Variants in CPS1 observed in about 807,000 individuals in gnomAD.
CPS1 encodes the protein carbamoyl-phosphate synthase 1, also known as carbamoyl-phosphate synthase [ammonia], mitochondrial.
Under a neutral mutation model 174.6 loss-of-function variants are expected in CPS1, and 109 were observed. The ratio of observed to expected loss-of-function variants is 0.62; its 90% CI spans 0.53 to 0.73. The LOEUF is 0.73. CPS1 is among the 30% of genes least tolerant of loss of function. The pLI is 0.00. For missense variants in CPS1, 1,689 were observed against 1,821.9 expected (o/e 0.93, Z 1.33); for synonymous variants, 637 against 632.0 (o/e 1.01, Z -0.12).
chr2:210,497,465 G>A (rs972676847), intron 1 of CPS1, among the ~76,000 whole-genome samples: 2 of 151,958 alleles, frequency 1.3e-5, no homozygotes, highest in Non-Finnish European at 2.9e-5. Flanking sequence ...GTGTGATGCC[G>A]AGGTTTGGGA....
intron 1 of CPS1, among the ~76,000 whole-genome samples, chr2:210,501,976 G>A (rs1035479814): frequency 2.0e-5 from 3 of 152,144 alleles, no homozygotes; most frequent in African/African-American, 7.2e-5. Flanking sequence ...GTTCCACATG[G>A]CTGGAGAGCC....
chr2:210,494,735 G>C (rs889520598), intron 1 of CPS1, among the ~76,000 whole-genome samples: 1 of 152,154 alleles, frequency 6.6e-6, no homozygotes, highest in Non-Finnish European at 1.5e-5. Context: ...CCTTTTTGTA[G>C]TGAGCTCTGT....
chr2:210,677,860 T>C (rs769327615), intron 37 of CPS1, 27 bp from the exon 38 acceptor site: 71 of 1,525,222 alleles, frequency 4.7e-5, no homozygotes, highest in Admixed American at 1.0e-4. Flanking sequence ...TCATGGAGGG[T>C]GCTGATTCCT....
intron 1 of CPS1, among the ~76,000 whole-genome samples, chr2:210,521,692 T>G (rs1184119894): frequency 6.6e-6 from 1 of 151,988 alleles, no homozygotes; most frequent in African/African-American, 2.4e-5. Flanking sequence ...TAAAAATATC[T>G]CTCATGACTC....
At chr2:210,528,997 G>A (rs1696047563) in intron 1 of CPS1, among the ~76,000 whole-genome samples, 1 of 151,662 alleles carries the variant, frequency 6.6e-6, no homozygotes, top group Admixed American at 6.6e-5. Flanking sequence ...TTAGGGGGAG[G>A]AGATTATTAT....
intron 7 of CPS1, among the ~76,000 whole-genome samples, chr2:210,589,566 G>T (rs561698682): frequency 6.6e-6 from 1 of 152,200 alleles, no homozygotes; most frequent in African/African-American, 2.4e-5. Flanking sequence ...TGTCAGTCCA[G>T]TCATGGCATT....
At chr2:210,522,835 T>G (rs1215756174) in intron 1 of CPS1, among the ~76,000 whole-genome samples, 1 of 152,020 alleles carries the variant, frequency 6.6e-6, no homozygotes, top group Non-Finnish European at 1.5e-5. Flanking sequence ...CTTGGGTTCT[T>G]ATGAGCAGGT....
Position 210,650,346 on chromosome 2 carries a change from TC to T in CPS1, c.3405-13del. 2 of 1,610,066 alleles carry T rather than the reference TC, an allele frequency of 1.2e-6. No individual in the cohort carries two copies. Among genetic ancestry groups the T allele is most frequent in the Non-Finnish European group, 1.7e-6 (2 of 1,176,490 alleles). On this transcript the variant is annotated splice_polypyrimidine_tract_variant and intron_variant, in intron 27 of 37. Transcript: ENST00000233072. ...TAGCATAAACCTGACCTGCTTTTTT[TC>T]CCCTTCCTTTTCCAGTGGGTCTGCT...
At chr2:210,630,100 A>AC (rs1364197486) in intron 21 of CPS1, among the ~76,000 whole-genome samples, 10 of 151,444 alleles carry the variant, frequency 6.6e-5, no homozygotes, top group Admixed American at 5.3e-4. Flanking sequence ...AACAAAAAAA[A>AC]AAAACAAAAC....
chr2:210,663,872 T>C (rs1574658512), intron 33 of CPS1, among the ~76,000 whole-genome samples: 2 of 152,266 alleles, frequency 1.3e-5, no homozygotes, highest in Admixed American at 6.5e-5. Context: ...ACTTACTAGA[T>C]ACAAACTTCA....
chr2:210,581,372 G>A (rs1037248065), intron 5 of CPS1, among the ~76,000 whole-genome samples: 2 of 152,094 alleles, frequency 1.3e-5, no homozygotes, highest in Non-Finnish European at 2.9e-5. Flanking sequence ...TTCAAAATTG[G>A]CGGAATAGAT....
intron 21 of CPS1, among the ~76,000 whole-genome samples, chr2:210,629,007 A>G (rs540974557): frequency 1.3e-5 from 2 of 152,286 alleles, no homozygotes; most frequent in South Asian, 4.1e-4. Context: ...TTTATTTGCA[A>G]TAACAAATTG....
chr2:210,647,864 C>A lies in CPS1; in HGVS notation c.3143C>A (p.Ala1048Glu), dbSNP rs1700427960. 1 of 1,613,790 alleles carries A rather than the reference C, an allele frequency of 6.2e-7. No individual in the cohort carries two copies. Among genetic ancestry groups the A allele is most frequent in the African/African-American group, 1.3e-5 (1 of 74,896 alleles). ...ERILDIYHQE[A>E]CGGCIISVGG... is the part of the protein sequence containing the mutation. ...TGATATTGTGAGTGTATTTTCCAGG[C>A]ATGTGGTGGCTGCATCATATCAGTT... Residue 1048 changes from alanine to glutamate, a missense_variant and splice_region_variant, in exon 26 of 38, where the codon GCA becomes GAA. Coordinates refer to ENST00000233072, the MANE Select transcript of CPS1 (RefSeq NM_001875.5).
At chr2:210,621,117 A>G (rs548400713) in intron 21 of CPS1, among the ~76,000 whole-genome samples, 4 of 152,202 alleles carry the variant, frequency 2.6e-5, no homozygotes, top group Admixed American at 6.5e-5. Context: ...TAAACTGCTT[A>G]TTGCTACCCA....
chr2:210,480,663 C>T (rs1165508618), intron 1 of CPS1, among the ~76,000 whole-genome samples: 6 of 152,156 alleles, frequency 3.9e-5, no homozygotes, highest in African/African-American at 4.8e-5. Flanking sequence ...CACACATATA[C>T]GCACACAGAC....
Position 210,481,163 on chromosome 2 carries a change from G to A in CPS1, c.3+3397G>A, listed in dbSNP as rs184826947. ...CTTGGGAGATTAAAAAAGATTGTGAGTCCAGAAAGTTGGTAAAAGATGTAC... is the reference window on the plus strand; with the variant it reads ...CTTGGGAGATTAAAAAAGATTGTGAATCCAGAAAGTTGGTAAAAGATGTAC... On this transcript the variant is annotated intron_variant, in intron 1 of 38. Coordinates refer to the CPS1 transcript ENST00000430249. Among the ~76,000 whole-genome samples, 134 of 152,248 alleles carry A rather than the reference G, an allele frequency of 8.8e-4. 1 individual carries two copies. The highest frequency in any genetic ancestry group is 2.8e-3 in the African/African-American group (115 of 41,536).
intron 1 of CPS1, chr2:210,519,653 G>A (rs963232913): frequency 1.8e-5 from 11 of 596,772 alleles, no homozygotes; most frequent in Non-Finnish European, 2.3e-5. Context: ...TCCCAGCCTC[G>A]CTTGCATCTA....
chr2:210,599,425 C>A lies in CPS1; in HGVS notation c.1413C>A (p.Thr471=). Reference sequence around the variant, plus strand: ...ACCCAAACATTGCATCAGTCCAGACCAATGAGGTGGGCTTAAAGCAAGCGG... The same window carrying A: ...ACCCAAACATTGCATCAGTCCAGACAAATGAGGTGGGCTTAAAGCAAGCGG... ...LMNPNIASVQ[T]NEVGLKQADT... is the part of the protein sequence containing the mutation. The change falls in exon 14 of 38, where the codon ACC becomes ACA. Residue 471 remains threonine (T), a synonymous_variant. Transcript: ENST00000233072. 1 of 1,612,456 alleles carries A rather than the reference C, an allele frequency of 6.2e-7. No individual in the cohort carries two copies. The highest frequency in any genetic ancestry group is 8.5e-7 in the Non-Finnish European group (1 of 1,178,998).
intron 1 of CPS1, among the ~76,000 whole-genome samples, chr2:210,565,752 A>C (rs911145908): frequency 1.3e-5 from 2 of 152,138 alleles, no homozygotes; most frequent in Non-Finnish European, 2.9e-5. Flanking sequence ...GGTTGTTCAA[A>C]TAAAGTGAAT....
Sources: gnomAD v4.1 joint callset for allele counts (sites outside exome capture counted in the v4.1 genomes callset) on GRCh38, gnomAD v4.1.1 for gene constraint, MANE v1.5 for transcripts, NCBI Gene and HGNC (gene_info 2026-07-23, HGNC 2026-07-21) for gene names.